The following PRRX1 variants were observed in gnomAD, a reference collection of about 807,000 sequenced individuals.
PRRX1 encodes the protein paired mesoderm homeobox protein 1.
In PRRX1, 8 loss-of-function variants were observed where a neutral mutation model predicts 24.0. The ratio of observed to expected loss-of-function variants is 0.33; its 90% CI spans 0.20 to 0.60. The LOEUF is 0.60. Ranked by LOEUF, PRRX1 falls within the 20% of genes least tolerant of loss-of-function variation. PRRX1 has a pLI of 0.82. For synonymous variants in PRRX1, 160 were observed against 131.7 expected, an observed-to-expected ratio of 1.22 and a Z score of -1.47; for missense variants, 281 against 322.4, an observed-to-expected ratio of 0.87 and a Z score of 0.98.
At chr1:170,718,950 T>G (rs1654995768) in intron 1 of PRRX1, among the ~76,000 whole-genome samples, 1 of 152,204 alleles carries the variant, frequency 6.6e-6, no homozygotes, top group Non-Finnish European at 1.5e-5. Flanking sequence ...GGAGTTGTGA[T>G]TCTTCAAAGG....
chr1:170,700,545 G>A (rs1654321007), intron 1 of PRRX1, among the ~76,000 whole-genome samples: 1 of 152,140 alleles, frequency 6.6e-6, no homozygotes, highest in South Asian at 2.1e-4. Context: ...GGAGATGATG[G>A]ACAGAGATAT....
intron 1 of PRRX1, among the ~76,000 whole-genome samples, chr1:170,709,273 G>A (rs906125437): frequency 2.6e-5 from 4 of 152,170 alleles, no homozygotes; most frequent in African/African-American, 9.6e-5. Context: ...AGGAGAAGGG[G>A]CCATTAATGT....
intron 1 of PRRX1, among the ~76,000 whole-genome samples, chr1:170,690,110 C>T (rs1653888508): frequency 1.4e-5 from 2 of 140,430 alleles, no homozygotes; most frequent in African/African-American, 4.9e-5. Flanking sequence ...ATATAAGATC[C>T]TTACTCCTCC....
At chr1:170,716,084 G>T (rs1654897242) in intron 1 of PRRX1, among the ~76,000 whole-genome samples, 2 of 152,122 alleles carry the variant, frequency 1.3e-5, no homozygotes, top group Non-Finnish European at 2.9e-5. Flanking sequence ...AAATAAGATG[G>T]TTGAATTCGA....
chr1:170,719,279 T>A (rs1431858551), intron 1 of PRRX1, among the ~76,000 whole-genome samples: 1 of 152,260 alleles, frequency 6.6e-6, no homozygotes, highest in South Asian at 2.1e-4. Flanking sequence ...TGTATATATG[T>A]TAGGAGAGAA....
intron 1 of PRRX1, among the ~76,000 whole-genome samples, chr1:170,715,215 T>C (rs571462926): frequency 6.6e-6 from 1 of 152,326 alleles, no homozygotes; most frequent in South Asian, 2.1e-4. Flanking sequence ...AATTACTTGC[T>C]ATGTATTGTT....
chr1:170,686,573 G>C (rs567540360), intron 1 of PRRX1, among the ~76,000 whole-genome samples: 2 of 152,304 alleles, frequency 1.3e-5, no homozygotes, highest in East Asian at 1.9e-4. Flanking sequence ...GATGAGAACA[G>C]AGAAGGAGGT....
At chr1:170,730,243 G>A in intron 3 of PRRX1, 1 of 1,537,550 alleles carries the variant, frequency 6.5e-7, no homozygotes, top group Non-Finnish European at 9.0e-7. Context: ...GAACGCATTT[G>A]GCTTATTTCT....
chr1:170,734,663 G>GCACACA (rs1196863313), intron 3 of PRRX1, among the ~76,000 whole-genome samples: 1 of 148,232 alleles, frequency 6.7e-6, no homozygotes, highest in African/African-American at 2.4e-5. Flanking sequence ...ATGTATGTGT[G>GCACACA]CACACACACA....
chr1:170,674,281 C>T (rs919297918), intron 1 of PRRX1, among the ~76,000 whole-genome samples: 5 of 152,144 alleles, frequency 3.3e-5, no homozygotes, highest in African/African-American at 7.2e-5. Context: ...TCCTATTGTT[C>T]CCTAGTATGC....
chr1:170,711,334 G>A (rs1654741015), intron 1 of PRRX1, among the ~76,000 whole-genome samples: 1 of 152,090 alleles, frequency 6.6e-6, no homozygotes, highest in Non-Finnish European at 1.5e-5. Context: ...TCTGCTATAA[G>A]CACCTTGTCC....
intron 1 of PRRX1, among the ~76,000 whole-genome samples, chr1:170,669,824 A>G (rs1424417873): frequency 3.3e-5 from 5 of 152,174 alleles, no homozygotes; most frequent in Admixed American, 6.5e-5. Flanking sequence ...CTCTGGAAAT[A>G]TGAATGTATT....
At chr1:170,693,477 C>T (rs890675941) in intron 1 of PRRX1, among the ~76,000 whole-genome samples, 7 of 151,984 alleles carry the variant, frequency 4.6e-5, no homozygotes, top group Admixed American at 2.6e-4. Context: ...TACAGCCTTT[C>T]TTATGAAGGG....
chr1:170,727,890 C>T (rs1419154091), intron 3 of PRRX1: 3 of 152,016 alleles, frequency 2.0e-5, no homozygotes, highest in African/African-American at 7.3e-5. Context: ...TTTTGAAGAC[C>T]ACTGTAAAAT....
rs1185500966 is a variant in PRRX1, at chr1:170,674,204, T to TCA, written c.241+9757_241+9758dup. Among the ~76,000 whole-genome samples the TCA allele has an allele frequency of 4.6e-5, 7 of 151,790 alleles. No homozygotes were observed. In the South Asian group the frequency reaches 8.3e-4, roughly 18 times the overall value. On this transcript the variant is annotated intron_variant, in intron 1 of 3. Coordinates refer to ENST00000239461, the MANE Select transcript of PRRX1 (RefSeq NM_022716.4). ...ATACCTCTCTCTCTCTCTCTCTCTGTCACACACACACACGTGTGCGCGCTT... is the reference window on the plus strand; with the variant it reads ...ATACCTCTCTCTCTCTCTCTCTCTGTCACACACACACACACGTGTGCGCGCTT...
At chr1:170,664,652 G>A (rs1652852080) in intron 1 of PRRX1, among the ~76,000 whole-genome samples, 193 bp downstream of exon 1, 1 of 152,250 alleles carries the variant, frequency 6.6e-6, no homozygotes, top group Non-Finnish European at 1.5e-5. Context: ...CGAGGGCATA[G>A]CCAAGGAGGA....
At chr1:170,697,315 T>A (rs1654203314) in intron 1 of PRRX1, among the ~76,000 whole-genome samples, 1 of 152,200 alleles carries the variant, frequency 6.6e-6, no homozygotes, top group African/African-American at 2.4e-5. Context: ...AACAATGATC[T>A]CCCTTGAAGG....
chr1:170,696,205 G>C (rs1433952398), intron 1 of PRRX1, among the ~76,000 whole-genome samples: 1 of 151,502 alleles, frequency 6.6e-6, no homozygotes, highest in Admixed American at 6.6e-5. Flanking sequence ...AGGCATGCTT[G>C]TCTAGGTCTA....
At chr1:170,663,042 TTC>T (rs137942748), upstream of PRRX1, 120 of 148,466 alleles carry the variant, frequency 8.1e-4, no homozygotes, top group South Asian at 7.0e-3. Context: ...TCTTCTCTCT[TTC>T]TCTCTCTCTC....
Sources: allele counts gnomAD v4.1 joint callset (sites outside exome capture counted in the v4.1 genomes callset), GRCh38; gene constraint gnomAD v4.1.1; transcripts MANE v1.5; gene names NCBI Gene and HGNC (gene_info 2026-07-23, HGNC 2026-07-21).